Variants in ANTXR1 observed in about 807,000 individuals in gnomAD.
The protein encoded by ANTXR1 is ANTXR cell adhesion molecule 1.
In ANTXR1, 19 loss-of-function variants were observed where a neutral mutation model predicts 78.1. The observed-to-expected ratio is 0.24, with a 90% CI of 0.17 to 0.36. ANTXR1 has a LOEUF of 0.36. ANTXR1 is among the 10% of genes least tolerant of loss of function. ANTXR1 has a pLI of 1.00. For synonymous variants in ANTXR1, 273 were observed against 260.5 expected (o/e 1.05, Z -0.46); for missense variants, 518 against 718.6 (o/e 0.72, Z 3.19).
chr2:69,117,436 G>A (rs1231067783), intron 10 of ANTXR1, among the ~76,000 whole-genome samples: 1 of 152,152 alleles, frequency 6.6e-6, no homozygotes, highest in African/African-American at 2.4e-5. Flanking sequence ...GGTATATGAT[G>A]TTAGAAAAAA....
intron 9 of ANTXR1, among the ~76,000 whole-genome samples, chr2:69,096,654 T>C (rs1671439933): frequency 6.6e-6 from 1 of 152,196 alleles, no homozygotes; most frequent in Admixed American, 6.5e-5. Flanking sequence ...TCTTCTTGAT[T>C]CATACTGCAT....
At chr2:69,101,437 A>G (rs1302969571) in intron 9 of ANTXR1, among the ~76,000 whole-genome samples, 1 of 152,194 alleles carries the variant, frequency 6.6e-6, no homozygotes, top group African/African-American at 2.4e-5. Context: ...TGGACACATT[A>G]CTTAACTTCA....
intron 16 of ANTXR1, among the ~76,000 whole-genome samples, chr2:69,184,289 G>A (rs1674367152): frequency 6.6e-6 from 1 of 152,218 alleles, no homozygotes; most frequent in African/African-American, 2.4e-5. Flanking sequence ...GGTTTGCCAT[G>A]TTTGAAGCAG....
chr2:69,054,485 G>A (rs1670014769), intron 3 of ANTXR1, among the ~76,000 whole-genome samples: 1 of 152,144 alleles, frequency 6.6e-6, no homozygotes, highest in Non-Finnish European at 1.5e-5. Context: ...GAGGTAAAGA[G>A]GTAGCATCAG....
At chr2:69,142,707 A>T (rs1183012074) in intron 12 of ANTXR1, among the ~76,000 whole-genome samples, 1 of 152,260 alleles carries the variant, frequency 6.6e-6, no homozygotes, top group Non-Finnish European at 1.5e-5. Flanking sequence ...GATGAAAAAC[A>T]GCTAGCCACG....
intron 14 of ANTXR1, among the ~76,000 whole-genome samples, chr2:69,181,122 A>G (rs566067871): frequency 1.1e-4 from 16 of 152,366 alleles, no homozygotes; most frequent in African/African-American, 3.6e-4. Flanking sequence ...TGTGGAGAAC[A>G]GATCATAGGT....
Position 69,169,559 on chromosome 2 carries a change from G to A in ANTXR1, c.1048-689G>A, listed in dbSNP as rs531807282. Among the ~76,000 whole-genome samples, 10 of 152,364 alleles carry A rather than the reference G, an allele frequency of 6.6e-5. 2 individuals are homozygous for A. The highest frequency in any genetic ancestry group is 2.4e-4 in the African/African-American group (10 of 41,590). ...TCATCATTCTCTCATGGGTTAGACT[G>A]TCTCCCAATTACTTGCCCATCCAGA... On this transcript the variant is annotated intron_variant, in intron 13 of 17. Coordinates refer to ENST00000303714, the MANE Select transcript of ANTXR1 (RefSeq NM_032208.3).
At chr2:69,139,578 A>G (rs1673014371) in intron 12 of ANTXR1, among the ~76,000 whole-genome samples, 1 of 152,194 alleles carries the variant, frequency 6.6e-6, no homozygotes, top group Admixed American at 6.5e-5. Context: ...CATCATGGTT[A>G]CCTCTGGTTG....
chr2:69,018,290 T>C (rs373584616), intron 1 of ANTXR1, among the ~76,000 whole-genome samples: 1 of 152,148 alleles, frequency 6.6e-6, no homozygotes, highest in African/African-American at 2.4e-5. Context: ...GTTTTCTTTT[T>C]CTTCCACTGT....
chr2:69,219,508 T>C (rs996920987), intron 17 of ANTXR1, among the ~76,000 whole-genome samples: 10 of 152,122 alleles, frequency 6.6e-5, no homozygotes, highest in African/African-American at 2.2e-4. Context: ...ACCATTTTTT[T>C]GTATTGCTAA....
chr2:69,090,707 A>T (rs1573864422), intron 8 of ANTXR1, 152 bp from the exon 9 acceptor site: 2 of 696,896 alleles, frequency 2.9e-6, no homozygotes, highest in East Asian at 5.4e-5. Flanking sequence ...TGGTATTGGT[A>T]CTAGTCAAGA....
rs575629691 is a variant in ANTXR1 at position 69,077,560 on chromosome 2, A to G, written c.642+72A>G. On this transcript the variant is annotated intron_variant, in intron 8 of 17. Transcript: ENST00000303714. ...TCTCTGATCTGCTATTAATACCCCA[A>G]TTCCATCTCTCAAAGCCTGGTGTTT... 64 of 1,474,070 alleles carry G rather than the reference A, an allele frequency of 4.3e-5. 2 individuals carry two copies. In the South Asian group the frequency reaches 6.7e-4, roughly 15 times the overall value. The allele number at this position is 1,474,070 out of a possible 1,614,324, so 91.3% of individuals were successfully genotyped here. A position where few individuals can be genotyped will look rare whatever the true frequency, so the allele number is the denominator to read the frequency against.
intron 14 of ANTXR1, among the ~76,000 whole-genome samples, chr2:69,176,529 G>A (rs1674122962): frequency 6.6e-6 from 1 of 152,140 alleles, no homozygotes; most frequent in South Asian, 2.1e-4. Context: ...GGGAGTTTCT[G>A]TAGCCTTAGT....
chr2:69,130,691 G>A (rs571749192), intron 12 of ANTXR1, among the ~76,000 whole-genome samples: 1 of 152,234 alleles, frequency 6.6e-6, no homozygotes, highest in South Asian at 2.1e-4. Context: ...TGTGTATTAG[G>A]TTATTGACCT....
rs1672865651 is a variant in ANTXR1, at chr2:69,134,877, AATC to A, written c.951+10236_951+10238del. ...ATTTACAAACAACACATTAGTCCCA[AATC>A]AGTCTCCTCTATTTATTAGCCAGTC... On this transcript the variant is annotated intron_variant, in intron 12 of 17. Coordinates refer to ENST00000303714, the MANE Select transcript of ANTXR1 (RefSeq NM_032208.3). 12 of 197,022 alleles carry A rather than the reference AATC, an allele frequency of 6.1e-5. No homozygotes were observed. In the South Asian group the frequency reaches 9.8e-4, roughly 16 times the overall value. The allele number at this position is 197,022 out of a possible 1,614,324, so 12.2% of individuals were successfully genotyped here.
intron 14 of ANTXR1, among the ~76,000 whole-genome samples, chr2:69,175,482 C>A (rs1358909042): frequency 1.3e-5 from 2 of 152,070 alleles, no homozygotes; most frequent in African/African-American, 4.8e-5. Context: ...ATTAGCTTGG[C>A]ATGGTGGCTG....
intron 14 of ANTXR1, among the ~76,000 whole-genome samples, chr2:69,177,656 C>CTCGCT (rs1674158707): frequency 6.6e-6 from 1 of 152,224 alleles, no homozygotes; most frequent in African/African-American, 2.4e-5. Context: ...ACTCCTACTC[C>CTCGCT]TCGCTTCTTC....
intron 13 of ANTXR1, among the ~76,000 whole-genome samples, chr2:69,160,185 A>G (rs1009015629): frequency 3.3e-5 from 5 of 152,144 alleles, no homozygotes; most frequent in African/African-American, 1.2e-4. Flanking sequence ...GAGCTCTGCC[A>G]TGACCTGCCC....
Position 69,073,070 on chromosome 2 carries a change from A to G in ANTXR1, c.461A>G (p.His154Arg). Reference sequence around the variant, plus strand: ...ATTGCTTTGACTGATGGAGAACTCCATGAAGATCTCTTTTTCTATTCAGAG... The same window carrying G: ...ATTGCTTTGACTGATGGAGAACTCCGTGAAGATCTCTTTTTCTATTCAGAG... ...VIIALTDGELHEDLFFYSERE... is the reference protein window; with the variant it reads ...VIIALTDGELREDLFFYSERE... Residue 154 changes from histidine (H) to arginine (R), a missense_variant, in exon 6 of 18, where the codon CAT becomes CGT. Around this residue, in one of 5 missense-constraint regions of ANTXR1, gnomAD observed 264 missense variants for 391.8 expected, o/e 0.67. Transcript: ENST00000303714. 2 of 1,614,128 alleles carry G rather than the reference A, an allele frequency of 1.2e-6. No homozygotes were observed. The highest frequency in any genetic ancestry group is 1.7e-5 in the Admixed American group (1 of 60,032).
Sources: allele counts gnomAD v4.1 joint callset (sites outside exome capture counted in the v4.1 genomes callset), GRCh38; gene constraint gnomAD v4.1.1; regional missense constraint gnomAD v4.1.1; transcripts MANE v1.5; gene names NCBI Gene and HGNC (gene_info 2026-07-23, HGNC 2026-07-21).